The following SKAP2 variants were observed in gnomAD, a reference collection of about 807,000 sequenced individuals.
SKAP2 encodes src kinase-associated phosphoprotein 2.
SKAP2 carries 28 observed loss-of-function variants against 54.9 expected under a neutral mutation model. The observed-to-expected ratio is 0.51, with a 90% CI of 0.38 to 0.70. The LOEUF is 0.70. Among genes scored for constraint, SKAP2 ranks in the 30% least tolerant of loss-of-function variants. The probability of loss-of-function intolerance (pLI) is 0.00; values close to 1 mark genes in which losing one functional copy is unlikely to be tolerated. For synonymous variants in SKAP2, 137 were observed against 134.3 expected (o/e 1.02, Z -0.14); for missense variants, 356 against 424.1 (o/e 0.84, Z 1.41).
chr7:26,683,535 T>TGGATGGAAGGAA (rs1554293151), intron 11 of SKAP2, among the ~76,000 whole-genome samples: 3 of 147,058 alleles, frequency 2.0e-5, no homozygotes, highest in African/African-American at 7.6e-5. Context: ...GATGGATGGA[T>TGGATGGAAGGAA]GGAAGGAAGG....
the SKAP2 span, among the ~76,000 whole-genome samples, chr7:26,661,418 A>G: frequency 7.9e-5 from 12 of 152,328 alleles, no homozygotes; most frequent in African/African-American, 2.9e-4. Context: ...AGGATTAGAC[A>G]ATGGGCAAAG....
intron 4 of SKAP2, among the ~76,000 whole-genome samples, chr7:26,799,549 C>G (rs1447755556): frequency 6.6e-6 from 1 of 152,048 alleles, no homozygotes; most frequent in Non-Finnish European, 1.5e-5. Flanking sequence ...CTAGAACACC[C>G]AGATATATAA....
chr7:26,670,244 G>A lies in SKAP2; in HGVS notation c.988-52C>T, dbSNP rs776850574. The A allele has an allele frequency of 7.2e-6, 6 of 828,520 alleles. No individual in the cohort carries two copies. In the East Asian group the frequency reaches 1.2e-4, roughly 17 times the overall value. The allele number at this position is 828,520 out of a possible 1,614,324, so 51.3% of individuals were successfully genotyped here. A position where few individuals can be genotyped will look rare whatever the true frequency, so the allele number is the denominator to read the frequency against. ...ACCTTTAGACTGGTGTAAGTACAAT[G>A]TCGTTTGTATGCAACTTCTTAGAAA... On this transcript the variant is annotated intron_variant, in intron 11 of 12. Coordinates refer to ENST00000345317, the MANE Select transcript of SKAP2 (RefSeq NM_003930.5).
Position 26,775,741 on chromosome 7 carries a change from T to C in SKAP2, c.308-35777A>G, listed in dbSNP as rs139760754. Among the ~76,000 whole-genome samples, 246 of 152,290 alleles carry C rather than the reference T, an allele frequency of 1.6e-3. 1 individual carries two copies. Among genetic ancestry groups the C allele is most frequent in the African/African-American group, 5.7e-3 (237 of 41,564 alleles). Reference sequence around the variant, plus strand: ...AACCACTCTGTGTCCTCCATTTCCATAATTTTGTCATTTCAAGAATGTCAT... The same window carrying C: ...AACCACTCTGTGTCCTCCATTTCCACAATTTTGTCATTTCAAGAATGTCAT... On this transcript the variant is annotated intron_variant, in intron 4 of 12. Coordinates refer to ENST00000345317, the MANE Select transcript of SKAP2 (RefSeq NM_003930.5).
intron 9 of SKAP2, among the ~76,000 whole-genome samples, chr7:26,698,487 C>T (rs1394951589): frequency 2.0e-5 from 3 of 152,182 alleles, no homozygotes; most frequent in Non-Finnish European, 2.9e-5. Context: ...CCTGCACTGG[C>T]ATAAAAGTAA....
chr7:26,683,363 T>C (rs1786548351), intron 11 of SKAP2, among the ~76,000 whole-genome samples: 1 of 152,192 alleles, frequency 6.6e-6, no homozygotes, highest in Non-Finnish European at 1.5e-5. Context: ...AACATCTTTC[T>C]GGGAACAACA....
At chr7:26,726,736 A>T in intron 7 of SKAP2, 146 bp downstream of exon 7, 1 of 606,888 alleles carries the variant, frequency 1.6e-6, no homozygotes, top group Non-Finnish European at 2.6e-6. Flanking sequence ...CTCTTATATG[A>T]ATGTTCAATG....
chr7:26,844,394 A>G (rs1784883257), intron 3 of SKAP2, among the ~76,000 whole-genome samples: 1 of 152,144 alleles, frequency 6.6e-6, no homozygotes, highest in South Asian at 2.1e-4. Flanking sequence ...ACAAAAGGAT[A>G]TAGTCCAAAA....
chr7:26,825,750 C>T (rs1479676381), intron 4 of SKAP2, among the ~76,000 whole-genome samples: 1 of 152,078 alleles, frequency 6.6e-6, no homozygotes, highest in Non-Finnish European at 1.5e-5. Context: ...CTCTATAAAT[C>T]AATTCAAAAT....
At chr7:26,737,207 T>A (rs1403116475) in intron 6 of SKAP2, among the ~76,000 whole-genome samples, 1 of 152,226 alleles carries the variant, frequency 6.6e-6, no homozygotes, top group Non-Finnish European at 1.5e-5. Context: ...GAAGGTAGTA[T>A]CTCGATCTAA....
Position 26,726,933 on chromosome 7 carries a change from T to G in SKAP2, c.543A>C (p.Gly181=), listed in dbSNP as rs1413963893. ...VRMNNTLRKD[G]KKDCCFEISA... ...AGATTTCAAAACAGCAATCTTTCTTTCCATCCTTTCTTAGAGTGTTATTCA... is the reference window on the plus strand; with the variant it reads ...AGATTTCAAAACAGCAATCTTTCTTGCCATCCTTTCTTAGAGTGTTATTCA... Residue 181 remains glycine, a synonymous_variant, in exon 7 of 13, where the codon GGA becomes GGC. Coordinates refer to ENST00000345317, the MANE Select transcript of SKAP2 (RefSeq NM_003930.5). 1 of 1,611,072 alleles carries G rather than the reference T, an allele frequency of 6.2e-7. No individual in the cohort carries two copies.
chr7:26,853,991 G>C (rs1161028096), intron 3 of SKAP2, 146 bp downstream of exon 3: 2 of 557,984 alleles, frequency 3.6e-6, no homozygotes, highest in African/African-American at 2.0e-5. Flanking sequence ...GGGGGAGCTA[G>C]CACTCTCATC....
chr7:26,792,851 A>T (rs1401400486), intron 4 of SKAP2, among the ~76,000 whole-genome samples: 1 of 152,192 alleles, frequency 6.6e-6, no homozygotes, highest in Non-Finnish European at 1.5e-5. Flanking sequence ...GACAGAAGGC[A>T]ATCTAAGAAT....
At position 26,780,926 on chromosome 7, in the gene SKAP2, T is replaced by C. The variant is rs58455139; in HGVS notation, c.308-40962A>G. 5.7e-3 allele frequency among the ~76,000 whole-genome samples: 874 copies of C among 152,262 alleles called. 10 individuals are homozygous for C. The highest frequency in any genetic ancestry group is 0.019 in the African/African-American group (802 of 41,568). ...AAAAAGGCTATTGTACTACGTATCA[T>C]CTGAGTCTCAGGCCATAGTGTATTA... On this transcript the variant is annotated intron_variant, in intron 4 of 12. Coordinates refer to ENST00000345317, the MANE Select transcript of SKAP2 (RefSeq NM_003930.5).
intron 11 of SKAP2, among the ~76,000 whole-genome samples, chr7:26,678,396 A>G (rs919976456): frequency 6.6e-6 from 1 of 152,018 alleles, no homozygotes; most frequent in African/African-American, 2.4e-5. Context: ...AAAGAGAACA[A>G]GTATTTGAGG....
intron 4 of SKAP2, among the ~76,000 whole-genome samples, chr7:26,755,843 T>C (rs1050829033): frequency 3.9e-5 from 6 of 152,232 alleles, no homozygotes; most frequent in African/African-American, 1.4e-4. Flanking sequence ...GCATCTCCAC[T>C]CACCCCGTTT....
At chr7:26,671,355 A>G (rs1415068690) in intron 11 of SKAP2, among the ~76,000 whole-genome samples, 1 of 152,090 alleles carries the variant, frequency 6.6e-6, no homozygotes, top group Non-Finnish European at 1.5e-5. Flanking sequence ...GTGCATATGT[A>G]TATTGAGTTA....
At chr7:26,701,415 A>G (rs1478286866) in intron 9 of SKAP2, among the ~76,000 whole-genome samples, 2 of 152,134 alleles carry the variant, frequency 1.3e-5, no homozygotes, top group African/African-American at 2.4e-5. Flanking sequence ...AGCTATTTCA[A>G]TTGTTGATGG....
intron 4 of SKAP2, among the ~76,000 whole-genome samples, chr7:26,828,504 CG>C (rs1784539003): frequency 6.6e-6 from 1 of 150,854 alleles, no homozygotes; most frequent in Non-Finnish European, 1.5e-5. Context: ...GGTGAAACCC[CG>C]TCTCTACTAA....
Sources: gnomAD v4.1 joint callset for allele counts (sites outside exome capture counted in the v4.1 genomes callset) on GRCh38, gnomAD v4.1.1 for gene constraint, MANE v1.5 for transcripts, NCBI Gene and HGNC (gene_info 2026-07-23, HGNC 2026-07-21) for gene names.